Variants in PCDHA13 observed in about 807,000 individuals in gnomAD.
The protein encoded by PCDHA13 is protocadherin alpha 13.
A neutral mutation model predicts 64.8 loss-of-function variants in PCDHA13; 54 were observed. The ratio of observed to expected loss-of-function variants is 0.83; its 90% CI spans 0.67 to 1.04. PCDHA13 has a LOEUF of 1.04. Ranked by LOEUF, PCDHA13 falls within the 50% of genes least tolerant of loss-of-function variation. The probability of loss-of-function intolerance (pLI) is 0.00; values close to 1 mark genes in which losing one functional copy is unlikely to be tolerated. For synonymous variants in PCDHA13, 587 were observed against 564.4 expected (o/e 1.04, Z -0.57); for missense variants, 1,248 against 1,254.3 (o/e 0.99, Z 0.08).
chr5:140,967,361 C>G (rs1323729968), intron 1 of PCDHA13: 9 of 1,607,256 alleles, frequency 5.6e-6, no homozygotes, highest in African/African-American at 1.3e-5. Context: ...GGACCTTAAG[C>G]CCCTGCAGGA....
rs1346870417 is a variant in PCDHA13 at position 140,982,634 on chromosome 5, TC to T, written c.2542+72del. 11 of 1,555,302 alleles carry T rather than the reference TC, an allele frequency of 7.1e-6. No homozygotes were observed. In the Admixed American group the frequency reaches 2.2e-4, roughly 30 times the overall value. ...GATCAGATGACCTACTTTTGTAAGATCAGGAATGTTGATGGCTCTTTTTCTT... is the reference window on the plus strand; with the variant it reads ...GATCAGATGACCTACTTTTGTAAGATAGGAATGTTGATGGCTCTTTTTCTT... On this transcript the variant is annotated intron_variant, in intron 3 of 3. Transcript: ENST00000289272.
chr5:140,980,030 C>T (rs552658283), intron 2 of PCDHA13, among the ~76,000 whole-genome samples: 29 of 152,292 alleles, frequency 1.9e-4, no homozygotes, highest in Admixed American at 4.6e-4. Flanking sequence ...GAAATCATTA[C>T]ATTGGGTGCT....
At chr5:140,908,165 G>T (rs1422050863) in intron 1 of PCDHA13, among the ~76,000 whole-genome samples, 1 of 152,222 alleles carries the variant, frequency 6.6e-6, no homozygotes, top group African/African-American at 2.4e-5. Context: ...GGGCTGTAGT[G>T]CTGCAGCTGT....
chr5:140,977,923 C>T (rs573696974), intron 1 of PCDHA13, among the ~76,000 whole-genome samples: 2 of 151,828 alleles, frequency 1.3e-5, no homozygotes, highest in Admixed American at 1.3e-4. Flanking sequence ...TTTTTTCATT[C>T]AACTATACCT....
intron 3 of PCDHA13, 111 bp downstream of exon 3, chr5:140,982,674 A>G (rs1399250735): frequency 3.4e-6 from 5 of 1,450,700 alleles, no homozygotes; most frequent in Admixed American, 2.7e-5. Context: ...TATTTTTGTT[A>G]TTCCCTTTTT....
intron 3 of PCDHA13, 149 bp downstream of exon 3, chr5:140,982,712 T>C: frequency 7.3e-7 from 1 of 1,373,964 alleles, no homozygotes; most frequent in Non-Finnish European, 9.6e-7. Context: ...TCCTTACATA[T>C]ATGATTATTT....
chr5:140,945,022 A>G (rs926595272), intron 1 of PCDHA13, among the ~76,000 whole-genome samples: 2 of 152,140 alleles, frequency 1.3e-5, no homozygotes, highest in Non-Finnish European at 2.9e-5. Flanking sequence ...TTTTTTACTC[A>G]GACATAATTA....
intron 1 of PCDHA13, among the ~76,000 whole-genome samples, chr5:140,962,298 A>T (rs2095671297): frequency 6.6e-6 from 1 of 152,204 alleles, no homozygotes; most frequent in South Asian, 2.1e-4. Context: ...ATATTCTATG[A>T]TTCTTGTTAG....
chr5:141,002,873 G>C (rs780574639), intron 3 of PCDHA13, among the ~76,000 whole-genome samples: 44 of 152,148 alleles, frequency 2.9e-4, no homozygotes, highest in Admixed American at 2.6e-4. Context: ...AAGTCCTCAA[G>C]AACAGAAAGA....
At chr5:140,969,610 GA>G in intron 1 of PCDHA13, 1 of 723,542 alleles carries the variant, frequency 1.4e-6, no homozygotes, top group East Asian at 2.8e-5. Context: ...CTAAAACACA[GA>G]TTTGTAGAGA....
chr5:141,009,770 A>T lies in PCDHA13; in HGVS notation c.2686A>T (p.Ile896Phe). The part of the protein sequence containing the change: ...DKFIIPGSPA[I>F]ISIRQEPTNS... The stretch of plus-strand genomic sequence containing the variant: ...ATTCATTATCCCAGGATCTCCTGCA[A>T]TCATCTCCATCCGGCAGGAGCCTAC... The change falls in exon 4 of 4, where the codon ATC becomes TTC. Residue 896 changes from isoleucine to phenylalanine, a missense_variant. Transcript: ENST00000289272. 6.2e-7 allele frequency: 1 copy of T among 1,614,160 alleles called. No homozygotes were observed. The highest frequency in any genetic ancestry group is 8.5e-7 in the Non-Finnish European group (1 of 1,180,028).
intron 3 of PCDHA13, among the ~76,000 whole-genome samples, chr5:140,984,938 G>A (rs1355399601): frequency 2.0e-5 from 3 of 151,924 alleles, no homozygotes; most frequent in Non-Finnish European, 2.9e-5. Flanking sequence ...GTTAATAAAT[G>A]TCTAATCTTT....
chr5:140,895,257 T>A (rs1180344268), intron 1 of PCDHA13, among the ~76,000 whole-genome samples: 8 of 152,212 alleles, frequency 5.3e-5, no homozygotes, highest in Non-Finnish European at 8.8e-5. Context: ...AGCTTTCTTT[T>A]TTTTCTTACT....
chr5:140,946,405 T>C (rs1554217546), intron 1 of PCDHA13, among the ~76,000 whole-genome samples: 1 of 151,592 alleles, frequency 6.6e-6, no homozygotes, highest in South Asian at 2.1e-4. Context: ...AGTACAATCA[T>C]AGAAAACAAT....
At chr5:140,926,131 A>G (rs2082931602) in intron 1 of PCDHA13, among the ~76,000 whole-genome samples, 1 of 152,076 alleles carries the variant, frequency 6.6e-6, no homozygotes, top group Non-Finnish European at 1.5e-5. Context: ...TTCAACCCGC[A>G]GCAGGATCCA....
At chr5:140,991,984 C>T (rs1393451773) in intron 3 of PCDHA13, among the ~76,000 whole-genome samples, 1 of 151,632 alleles carries the variant, frequency 6.6e-6, no homozygotes, top group Non-Finnish European at 1.5e-5. Context: ...TTCTGCCTAC[C>T]ACCCGGTCTT....
chr5:140,970,625 A>C (rs534910839), intron 1 of PCDHA13, among the ~76,000 whole-genome samples: 1 of 152,316 alleles, frequency 6.6e-6, no homozygotes, highest in Non-Finnish European at 1.5e-5. Context: ...CAAAAGCCAA[A>C]ATTTTGTACC....
chr5:140,914,073 C>T (rs1314205032), intron 1 of PCDHA13, among the ~76,000 whole-genome samples: 2 of 152,120 alleles, frequency 1.3e-5, no homozygotes, highest in Non-Finnish European at 2.9e-5. Flanking sequence ...TGCTCCATAA[C>T]TATCTATTAG....
Position 140,968,897 on chromosome 5 carries a change from G to A in PCDHA13, c.2395-10052G>A, listed in dbSNP as rs1554231210. On this transcript the variant is annotated intron_variant, in intron 1 of 3. Transcript: ENST00000289272. The stretch of plus-strand genomic sequence containing the variant: ...TGAAATTACCCTTTATCTAATAATA[G>A]CATTAAGCACAGTGTCTTTTATATT... The A allele has an allele frequency of 3.7e-6, 6 of 1,614,034 alleles. No homozygotes were observed. In the African/African-American group the frequency reaches 4.0e-5, roughly 11 times the overall value.
Sources: gnomAD v4.1 joint callset for allele counts (sites outside exome capture counted in the v4.1 genomes callset) on GRCh38, gnomAD v4.1.1 for gene constraint, MANE v1.5 for transcripts, NCBI Gene and HGNC (gene_info 2026-07-23, HGNC 2026-07-21) for gene names.